The following COPS4 variants were observed in gnomAD, a reference collection of about 807,000 sequenced individuals.
COPS4 encodes COP9 signalosome subunit 4, also known as COP9 signalosome complex subunit 4.
A neutral mutation model predicts 55.1 loss-of-function variants in COPS4; 8 were observed. The observed-to-expected ratio is 0.15, with a 90% CI of 0.09 to 0.26. COPS4 has a LOEUF of 0.26. COPS4 is among the 10% of genes least tolerant of loss of function. The pLI, the probability that COPS4 is intolerant of heterozygous loss-of-function variation, is 1.00. For synonymous variants in COPS4, 185 were observed against 165.7 expected (o/e 1.12, Z -0.90); for missense variants, 248 against 484.0 (o/e 0.51, Z 4.58).
Position 83,049,916 on chromosome 4 carries a change from T to C in COPS4, c.342T>C (p.Tyr114=), listed in dbSNP as rs1490250054. The C allele has an allele frequency of 1.2e-6, 2 of 1,611,620 alleles. No individual in the cohort carries two copies. Among genetic ancestry groups the C allele is most frequent in the Non-Finnish European group, 8.5e-7 (1 of 1,179,044 alleles). Residue 114 remains tyrosine (Y), a synonymous_variant, in exon 4 of 10, where the codon TAT becomes TAC. Transcript: ENST00000264389. ...ASIRQHLASI[Y]EKEEDWRNAA... ...TAAGACAGCATCTTGCATCTATATA[T>C]GAGAAAGAAGAAGATTGGAGAAATG...
At chr4:83,073,932 A>G (rs962949629) in intron 9 of COPS4, among the ~76,000 whole-genome samples, 6 of 150,856 alleles carry the variant, frequency 4.0e-5, no homozygotes, top group Admixed American at 1.3e-4. Flanking sequence ...ACTCCAGCCC[A>G]GATGACAGAG....
chr4:83,048,008 A>G (rs1316128040), intron 2 of COPS4, among the ~76,000 whole-genome samples: 1 of 137,538 alleles, frequency 7.3e-6, no homozygotes. Context: ...CTCAAAAAAA[A>G]AAAATAATAA....
chr4:83,049,123 T>A (rs761650081), intron 2 of COPS4, 43 bp from the exon 3 acceptor site: 2 of 1,553,018 alleles, frequency 1.3e-6, no homozygotes, highest in Non-Finnish European at 1.7e-6. Flanking sequence ...AATGACAATT[T>A]ATCAGCTCAT....
rs1199113689 is a variant in COPS4 at position 83,035,333 on chromosome 4, T to TG, written c.74+39dup. On this transcript the variant is annotated intron_variant, in intron 1 of 9. Coordinates refer to ENST00000264389, the MANE Select transcript of COPS4 (RefSeq NM_016129.3). ...TCCCAGGAACGCGGGAGTACAGAGG[T>TG]GGGGAAAGAAAGCCACAGCCTTAAT... The TG allele has an allele frequency of 2.0e-6, 3 of 1,483,244 alleles. No homozygotes were observed. The Admixed American group carries it at 5.6e-5, about 28-fold the overall frequency. 91.9% of individuals were successfully genotyped at this position (1,483,244 alleles called of 1,614,324 possible).
chr4:83,072,405 G>A (rs1025480372), intron 9 of COPS4, among the ~76,000 whole-genome samples: 4 of 152,082 alleles, frequency 2.6e-5, no homozygotes, highest in Admixed American at 6.6e-5. Context: ...GCACCCGGCC[G>A]AATTCTGTCA....
intron 4 of COPS4, among the ~76,000 whole-genome samples, chr4:83,052,132 G>A (rs899071320): frequency 3.3e-5 from 5 of 152,194 alleles, no homozygotes; most frequent in African/African-American, 9.6e-5. Context: ...AGAATGGGAA[G>A]AGAAGATGTG....
chr4:83,074,416 C>T (rs1731512215), intron 9 of COPS4, among the ~76,000 whole-genome samples: 1 of 150,066 alleles, frequency 6.7e-6, no homozygotes, highest in South Asian at 2.1e-4. Context: ...CTTTTCTTAA[C>T]TGCTGTTTAA....
intron 9 of COPS4, among the ~76,000 whole-genome samples, chr4:83,069,491 G>T (rs979179490): frequency 2.0e-5 from 3 of 151,962 alleles, no homozygotes; most frequent in Non-Finnish European, 2.9e-5. Flanking sequence ...CTCTAAATTC[G>T]AGGTCACAGG....
chr4:83,072,679 C>G (rs1254017001), intron 9 of COPS4, among the ~76,000 whole-genome samples: 4 of 151,852 alleles, frequency 2.6e-5, no homozygotes, highest in South Asian at 2.1e-4. Flanking sequence ...GCCAATTATC[C>G]AAGTATCATT....
chr4:83,059,381 G>A (rs1425506175), intron 6 of COPS4, among the ~76,000 whole-genome samples: 1 of 151,482 alleles, frequency 6.6e-6, no homozygotes, highest in Non-Finnish European at 1.5e-5. Context: ...CAGTACTTTA[G>A]GTTCTCAAAT....
At position 83,063,206 on chromosome 4, in the gene COPS4, T is replaced by A. The variant is rs746611483; in HGVS notation, c.846T>A (p.Ala282=). The change falls in exon 7 of 10, where the codon GCT becomes GCA. Residue 282 remains alanine (A), a synonymous_variant. Transcript: ENST00000264389. ...IIRGNQLQEF[A]AMLMPHQKAT... is the part of the protein sequence containing the mutation. ...GAGGAAATCAACTTCAAGAATTTGC[T>A]GCCATGCTGATGCCTCACCAAAAAG... is the stretch of plus-strand genomic sequence containing the variant. 4.0e-5 allele frequency: 64 copies of A among 1,613,476 alleles called. No individual in the cohort carries two copies. The highest frequency in any genetic ancestry group is 5.0e-5 in the Admixed American group (3 of 59,886).
Position 83,035,398 on chromosome 4 carries a change from A to T in COPS4, c.74+100A>T. Reference sequence around the variant, plus strand: ...CACGGCTCTTGGGCGTGAAGCTAGGAGCCGGCCTGACGTCCAAGGGGGCGG... The same window carrying T: ...CACGGCTCTTGGGCGTGAAGCTAGGTGCCGGCCTGACGTCCAAGGGGGCGG... On this transcript the variant is annotated intron_variant, in intron 1 of 9. Transcript: ENST00000264389. 2.9e-6 allele frequency: 3 copies of T among 1,029,088 alleles called. No homozygotes were observed. In the South Asian group the frequency reaches 4.0e-5, roughly 14 times the overall value. The allele number at this position is 1,029,088 out of a possible 1,614,324, so 63.7% of individuals were successfully genotyped here.
At chr4:83,072,231 C>A (rs182240173) in intron 9 of COPS4, among the ~76,000 whole-genome samples, 1 of 151,732 alleles carries the variant, frequency 6.6e-6, no homozygotes, top group Non-Finnish European at 1.5e-5. Context: ...ACTACAGGCA[C>A]GCACCACCAC....
chr4:83,074,706 A>G (rs1331218156), intron 9 of COPS4, among the ~76,000 whole-genome samples: 1 of 150,220 alleles, frequency 6.7e-6, no homozygotes, highest in Non-Finnish European at 1.5e-5. Context: ...CGGTTTTGCC[A>G]TGTTGGCCGG....
intron 2 of COPS4, among the ~76,000 whole-genome samples, chr4:83,046,250 T>A (rs1730711461): frequency 6.6e-6 from 1 of 152,156 alleles, no homozygotes; most frequent in Non-Finnish European, 1.5e-5. Flanking sequence ...CTAATATTAG[T>A]CAGAATGGCT....
intron 6 of COPS4, among the ~76,000 whole-genome samples, chr4:83,062,450 G>T (rs1731183006): frequency 6.6e-6 from 1 of 152,160 alleles, no homozygotes; most frequent in Admixed American, 6.5e-5. Flanking sequence ...ACTGTCATTT[G>T]CAGATATGTG....
rs112109112 is a variant in COPS4, at chr4:83,049,381, T to C, written c.306+64T>C. On this transcript the variant is annotated intron_variant, in intron 3 of 9. Transcript: ENST00000264389. ...CAGCAGTTATTTTGAGAATCTGATATTAGTAAATTCTTAAAGGAGATAATC... is the reference window on the plus strand; with the variant it reads ...CAGCAGTTATTTTGAGAATCTGATACTAGTAAATTCTTAAAGGAGATAATC... The C allele has an allele frequency of 1.1e-5, 16 of 1,394,328 alleles. No homozygotes were observed. The African/African-American group carries it at 1.9e-4, about 17-fold the overall frequency. The allele number at this position is 1,394,328 out of a possible 1,614,324, so 86.4% of individuals were successfully genotyped here. A position where few individuals can be genotyped will look rare whatever the true frequency, so the allele number is the denominator to read the frequency against.
chr4:83,054,166 C>T (rs995849866), intron 4 of COPS4, among the ~76,000 whole-genome samples: 3 of 152,012 alleles, frequency 2.0e-5, no homozygotes, highest in African/African-American at 7.3e-5. Flanking sequence ...CATGGTGAAA[C>T]CACGTCTCTA....
intron 6 of COPS4, among the ~76,000 whole-genome samples, chr4:83,058,315 T>C (rs1057423608): frequency 1.3e-5 from 2 of 152,174 alleles, no homozygotes; most frequent in Admixed American, 6.5e-5. Flanking sequence ...TCTCCTGGGC[T>C]CAAGTGATCC....
Sources: allele counts gnomAD v4.1 joint callset (sites outside exome capture counted in the v4.1 genomes callset), GRCh38; gene constraint gnomAD v4.1.1; transcripts MANE v1.5; gene names NCBI Gene and HGNC (gene_info 2026-07-23, HGNC 2026-07-21).